The following MOSPD3 variants were observed in gnomAD, a reference collection of about 807,000 sequenced individuals.
The protein encoded by MOSPD3 is motile sperm domain containing 3.
A neutral mutation model predicts 23.3 loss-of-function variants in MOSPD3; 20 were observed. The observed-to-expected ratio is 0.86, with a 90% CI of 0.61 to 1.25. MOSPD3 has a LOEUF of 1.25. Ranked by LOEUF, MOSPD3 falls within the 50% of genes most tolerant of loss-of-function variation. MOSPD3 has a pLI of 0.00. For synonymous variants in MOSPD3, 136 were observed against 135.2 expected (o/e 1.01, Z -0.04); for missense variants, 307 against 315.7 (o/e 0.97, Z 0.21).
Position 100,613,154 on chromosome 7 carries a change from C to T in MOSPD3, c.206-40C>T, listed in dbSNP as rs375407970. 62 of 1,606,528 alleles carry T rather than the reference C, an allele frequency of 3.9e-5. No homozygotes were observed. The African/African-American group carries it at 5.0e-4, about 13-fold the overall frequency. On this transcript the variant is annotated intron_variant, in intron 1 of 4. Transcript: ENST00000393950. ...GAAGGCAGAGGGGACTTAAATGACC[C>T]ACATGGCAGGGCTTGTCTGTGTGTG... is the stretch of plus-strand genomic sequence containing the variant.
chr7:100,613,050 T>C, intron 1 of MOSPD3, 54 bp downstream of exon 1: 1 of 1,605,738 alleles, frequency 6.2e-7, no homozygotes, highest in Non-Finnish European at 8.5e-7. Flanking sequence ...GGGGGTTGTG[T>C]TGGCTGGAGG....
In MOSPD3 at chr7:100,614,934, C is replaced by G; in HGVS notation, c.579C>G (p.Ala193=). Reference sequence around the variant, plus strand: ...TGCTGACGGGGATTGTGTCTGTGGCCTTCCTGCTGCTCCCACTCCCGGACG... The same window carrying G: ...TGCTGACGGGGATTGTGTCTGTGGCGTTCCTGCTGCTCCCACTCCCGGACG... ...LFLLTGIVSV[A]FLLLPLPDEL... The change falls in exon 4 of 5, where the codon GCC becomes GCG. Residue 193 remains alanine, a synonymous_variant. Coordinates refer to ENST00000393950, the MANE Select transcript of MOSPD3 (RefSeq NM_023948.5). The G allele has an allele frequency of 1.2e-6, 2 of 1,614,122 alleles. No individual in the cohort carries two copies. Among genetic ancestry groups the G allele is most frequent in the Non-Finnish European group, 1.7e-6 (2 of 1,179,982 alleles).
chr7:100,612,270 T>G (rs1199834599), upstream of MOSPD3: 1 of 152,652 alleles, frequency 6.6e-6, no homozygotes, highest in Admixed American at 6.5e-5. Context: ...GCGACCGTTT[T>G]GAGGCAGAAG....
intron 3 of MOSPD3, among the ~76,000 whole-genome samples, chr7:100,614,357 T>C (rs189036788): frequency 3.4e-4 from 51 of 151,378 alleles, no homozygotes; most frequent in Non-Finnish European, 6.0e-4. Context: ...TCCCAGCTAG[T>C]CGGGAGGCTA....
rs200292497 is a variant in MOSPD3, at chr7:100,613,526, C to A, written c.331C>A (p.Arg111Ser). Reference sequence around the variant, plus strand: ...TCCCAGCCACTATGATGTCCAGGACCGCTTCCGCATTGAGCTGTCTGAGGA... The same window carrying A: ...TCCCAGCCACTATGATGTCCAGGACAGCTTCCGCATTGAGCTGTCTGAGGA... ...PIPSHYDVQD[R>S]FRIELSEEGA... The change falls in exon 3 of 5, where the codon CGC becomes AGC. Residue 111 changes from arginine to serine, a missense_variant. Arg to Ser is a moderately radical substitution (Grantham distance 110). Coordinates refer to ENST00000393950, the MANE Select transcript of MOSPD3 (RefSeq NM_023948.5). 3.2e-4 allele frequency: 524 copies of A among 1,614,184 alleles called. No individual in the cohort carries two copies. The highest frequency in any genetic ancestry group is 4.0e-4 in the Non-Finnish European group (467 of 1,180,032).
In MOSPD3 at chr7:100,612,839, C is replaced by T. The variant is rs1437025494; in HGVS notation, c.48C>T (p.Pro16=). 6.2e-7 allele frequency: 1 copy of T among 1,610,774 alleles called. No individual in the cohort carries two copies. Among genetic ancestry groups the T allele is most frequent in the East Asian group, 2.2e-5 (1 of 44,842 alleles). ...PQDQELVGPG[P]PGRGSRGAPP... Reference sequence around the variant, plus strand: ...ACCAGGAGCTGGTGGGTCCGGGGCCCCCTGGGCGGGGGTCCCGGGGCGCCC... The same window carrying T: ...ACCAGGAGCTGGTGGGTCCGGGGCCTCCTGGGCGGGGGTCCCGGGGCGCCC... The change falls in exon 1 of 5, where the codon CCC becomes CCT. Residue 16 remains proline, a synonymous_variant. Transcript: ENST00000393950.
In MOSPD3 at chr7:100,613,660, G is replaced by A. The variant is rs369654639; in HGVS notation, c.465G>A (p.Gly155=). The part of the protein sequence containing the change: ...QGQPDPAPRP[G]PPAGTPPPTA... Reference sequence around the variant, plus strand: ...AGCCAGATCCAGCGCCTCGCCCAGGGCCTCCTGCTGGGACACCACCACCCA... The same window carrying A: ...AGCCAGATCCAGCGCCTCGCCCAGGACCTCCTGCTGGGACACCACCACCCA... Residue 155 remains glycine, a synonymous_variant, in exon 3 of 5, where the codon GGG becomes GGA. Transcript: ENST00000393950. The A allele has an allele frequency of 2.2e-5, 35 of 1,613,626 alleles. No homozygotes were observed. Among genetic ancestry groups the A allele is most frequent in the Non-Finnish European group, 2.6e-5 (31 of 1,180,044 alleles).
chr7:100,612,822 C>G lies in MOSPD3; in HGVS notation c.31C>G (p.Leu11Val), dbSNP rs1205140119. 1 of 1,604,130 alleles carries G rather than the reference C, an allele frequency of 6.2e-7. No homozygotes were observed. Among genetic ancestry groups the G allele is most frequent in the South Asian group, 1.1e-5 (1 of 90,562 alleles). ...CCGTGGGGCGCCCCAGGACCAGGAG[C>G]TGGTGGGTCCGGGGCCCCCTGGGCG... MRRGAPQDQE[L>V]VGPGPPGRGS... The change falls in exon 1 of 5, where the codon CTG (leucine) becomes GTG (valine). Residue 11 changes from leucine (L) to valine (V), a missense_variant. Coordinates refer to ENST00000393950, the MANE Select transcript of MOSPD3 (RefSeq NM_023948.5).
chr7:100,613,608 C>G lies in MOSPD3; in HGVS notation c.413C>G (p.Pro138Arg). Residue 138 changes from proline (P) to arginine (R), a missense_variant, in exon 3 of 5, where the codon CCA becomes CGA. By Grantham distance (103) the Pro-to-Arg change is moderately radical (BLOSUM62 -2). Coordinates refer to ENST00000393950, the MANE Select transcript of MOSPD3 (RefSeq NM_023948.5). ...RKDITSILRA[P>R]AYPLELQGQP... ...GACATTACCTCCATTCTGAGAGCCC[C>G]AGCGTACCCCCTTGAGCTTCAGGGA... 1 of 1,614,146 alleles carries G rather than the reference C, an allele frequency of 6.2e-7. No individual in the cohort carries two copies. The highest frequency in any genetic ancestry group is 8.5e-7 in the Non-Finnish European group (1 of 1,180,030).
In MOSPD3 at chr7:100,612,860, C is replaced by T. The variant is rs761839826; in HGVS notation, c.69C>T (p.Gly23=). 6.2e-7 allele frequency: 1 copy of T among 1,612,274 alleles called. No individual in the cohort carries two copies. Among genetic ancestry groups the T allele is most frequent in the Non-Finnish European group, 8.5e-7 (1 of 1,179,584 alleles). Residue 23 remains glycine, a synonymous_variant, in exon 1 of 5, where the codon GGC becomes GGT. Transcript: ENST00000393950. ...GPGPPGRGSR[G]APPPLGPVVP... is the part of the protein sequence containing the mutation. ...GGCCCCCTGGGCGGGGGTCCCGGGG[C>T]GCCCCTCCTCCCTTGGGACCCGTTG...
chr7:100,612,626 T>A lies in MOSPD3; in HGVS notation c.-166T>A. On this transcript the variant is annotated 5_prime_UTR_variant, in exon 1 of 5. Coordinates refer to ENST00000393950, the MANE Select transcript of MOSPD3 (RefSeq NM_023948.5). ...AGGTCTTGGGGGCCCTGGGCCTGGGTCTGCGGGAGCCCCATCTAGCGGGGT... is the reference window on the plus strand; with the variant it reads ...AGGTCTTGGGGGCCCTGGGCCTGGGACTGCGGGAGCCCCATCTAGCGGGGT... 1.9e-6 allele frequency: 1 copy of A among 540,108 alleles called. No homozygotes were observed. The highest frequency in any genetic ancestry group is 3.2e-6 in the Non-Finnish European group (1 of 308,396). The allele number at this position is 540,108 out of a possible 1,614,324, so 33.5% of individuals were successfully genotyped here. A position where few individuals can be genotyped will look rare whatever the true frequency, so the allele number is the denominator to read the frequency against.
chr7:100,613,775 T>C, intron 3 of MOSPD3, 69 bp downstream of exon 3: 1 of 1,372,900 alleles, frequency 7.3e-7, no homozygotes, highest in Non-Finnish European at 1.0e-6. Context: ...AGAGATGAGA[T>C]AAATTGGATT....
Position 100,615,167 on chromosome 7 carries a change from T to A in MOSPD3, c.692T>A (p.Val231Glu). 1 of 1,614,074 alleles carries A rather than the reference T, an allele frequency of 6.2e-7. No homozygotes were observed. Among genetic ancestry groups the A allele is most frequent in the East Asian group, 2.2e-5 (1 of 44,870 alleles). ...AAYVLGLLTM[V>E]FLRT The stretch of plus-strand genomic sequence containing the variant: ...CCCCCTCCAGGCCTCCTCACCATGG[T>A]GTTCCTCCGGACCTGAGCTCCGTGC... The change falls in exon 5 of 5, where the codon GTG (valine) becomes GAG (glutamate). Residue 231 changes from valine (V) to glutamate (E), a missense_variant. Val to Glu is a moderately radical substitution (Grantham distance 121, BLOSUM62 -2). Coordinates refer to ENST00000393950, the MANE Select transcript of MOSPD3 (RefSeq NM_023948.5).
chr7:100,612,268 T>TTTGA (rs1483509184), upstream of MOSPD3: 1 of 152,586 alleles, frequency 6.6e-6, no homozygotes, highest in Non-Finnish European at 1.5e-5. Flanking sequence ...GAGCGACCGT[T>TTTGA]TTGAGGCAGA....
At chr7:100,615,108 A>G (rs754357800) in intron 4 of MOSPD3, 44 bp from the exon 5 acceptor site, 1 of 1,614,126 alleles carries the variant, frequency 6.2e-7, no homozygotes, top group Non-Finnish European at 8.5e-7. Flanking sequence ...ACAGAGCCCC[A>G]GGGCTGCCCA....
At chr7:100,612,463 C>G (rs1252332103), upstream of MOSPD3, 1 of 217,184 alleles carries the variant, frequency 4.6e-6, no homozygotes, top group Non-Finnish European at 9.1e-6. Flanking sequence ...CGGGGCGGGG[C>G]TTATGGAGAT....
Position 100,612,563 on chromosome 7 carries a change from C to T in MOSPD3, c.-229C>T, listed in dbSNP as rs1351237684. 1.4e-5 allele frequency: 6 copies of T among 436,728 alleles called. No individual in the cohort carries two copies. The highest frequency in any genetic ancestry group is 3.6e-5 in the East Asian group (1 of 27,666). The allele number at this position is 436,728 out of a possible 1,614,324, so 27.1% of individuals were successfully genotyped here. A position where few individuals can be genotyped will look rare whatever the true frequency, so the allele number is the denominator to read the frequency against. On this transcript the variant is annotated 5_prime_UTR_variant, in exon 1 of 5. Coordinates refer to ENST00000393950, the MANE Select transcript of MOSPD3 (RefSeq NM_023948.5). ...GCGTGGCCGTCGAGGTGGGGCTCGG[C>T]GGGTCCGAAGGAACCTGGGGCAGAG...
intron 3 of MOSPD3, 95 bp from the exon 4 acceptor site, chr7:100,614,772 A>AG: frequency 7.4e-7 from 1 of 1,343,678 alleles, no homozygotes; most frequent in South Asian, 1.6e-5. Context: ...TTAAAAAAAA[A>AG]AAGTAGATAC....
Position 100,612,591 on chromosome 7 carries a change from G to A in MOSPD3, c.-201G>A. On this transcript the variant is annotated 5_prime_UTR_variant, in exon 1 of 5. Coordinates refer to ENST00000393950, the MANE Select transcript of MOSPD3 (RefSeq NM_023948.5). ...GTCCGAAGGAACCTGGGGCAGAGCTGGAAGAGGAAAGGTCTTGGGGGCCCT... is the reference window on the plus strand; with the variant it reads ...GTCCGAAGGAACCTGGGGCAGAGCTAGAAGAGGAAAGGTCTTGGGGGCCCT... 1 of 490,324 alleles carries A rather than the reference G, an allele frequency of 2.0e-6. No individual in the cohort carries two copies. The highest frequency in any genetic ancestry group is 3.6e-6 in the Non-Finnish European group (1 of 277,870). 30.4% of individuals were successfully genotyped at this position (490,324 alleles called of 1,614,324 possible).
Sources: gnomAD v4.1 joint callset for allele counts (sites outside exome capture counted in the v4.1 genomes callset) on GRCh38, gnomAD v4.1.1 for gene constraint, MANE v1.5 for transcripts, NCBI Gene and HGNC (gene_info 2026-07-23, HGNC 2026-07-21) for gene names.